IL1RAPL1: variants seen among roughly 807,000 people sequenced by gnomAD.
IL1RAPL1 encodes interleukin 1 receptor accessory protein like 1, also known as interleukin-1 receptor accessory protein-like 1.
A neutral mutation model predicts 48.4 loss-of-function variants in IL1RAPL1; 3 were observed. The observed-to-expected ratio is 0.06, with a 90% CI of 0.03 to 0.16. The LOEUF (loss-of-function observed/expected upper bound fraction) is 0.16. Ranked by LOEUF, IL1RAPL1 falls within the 10% of genes least tolerant of loss-of-function variation. The pLI, the probability that IL1RAPL1 is intolerant of heterozygous loss-of-function variation, is 1.00. For missense variants in IL1RAPL1, 349 were observed against 530.6 expected (o/e 0.66, Z 3.36); for synonymous variants, 185 against 187.7 (o/e 0.99, Z 0.12).
At chrX:28,694,469 T>C (rs2146926851) in intron 1 of IL1RAPL1, among the ~76,000 whole-genome samples, 1 of 111,931 alleles carries the variant, frequency 8.9e-6, no homozygotes, top group African/African-American at 3.2e-5. Flanking sequence ...ATTGAAGAAA[T>C]ATGAAGATTT....
intron 1 of IL1RAPL1, among the ~76,000 whole-genome samples, chrX:28,756,272 A>C (rs750798009): frequency 9.0e-6 from 1 of 110,900 alleles, no homozygotes; most frequent in Admixed American, 9.7e-5. Flanking sequence ...TGGCCCAACT[A>C]TGCCTTCCTT....
At chrX:29,075,830 G>GA (rs947652160) in intron 2 of IL1RAPL1, among the ~76,000 whole-genome samples, 5 of 111,469 alleles carry the variant, frequency 4.5e-5, no homozygotes, top group South Asian at 3.7e-4. Flanking sequence ...CTGATTCATA[G>GA]AAAAAAATCT....
intron 2 of IL1RAPL1, among the ~76,000 whole-genome samples, chrX:28,957,006 G>A (rs1369130071): frequency 1.8e-5 from 2 of 110,630 alleles, no homozygotes; most frequent in Non-Finnish European, 3.8e-5. Flanking sequence ...TGTATGTGTC[G>A]AGGAATGTAT....
intron 6 of IL1RAPL1, among the ~76,000 whole-genome samples, chrX:29,842,367 T>C (rs778270372): frequency 4.5e-5 from 5 of 112,033 alleles, no homozygotes; most frequent in African/African-American, 6.5e-5. Flanking sequence ...TGTCCAGATA[T>C]AGTTGGTGGA....
chrX:29,041,285 A>G (rs912234879), intron 2 of IL1RAPL1, among the ~76,000 whole-genome samples: 1 of 111,378 alleles, frequency 9.0e-6, no homozygotes, highest in African/African-American at 3.3e-5. Context: ...ATCTGCAGGC[A>G]GGGGGGTGGA....
intron 1 of IL1RAPL1, among the ~76,000 whole-genome samples, chrX:28,627,430 T>A (rs1934351958): frequency 8.9e-6 from 1 of 111,739 alleles, no homozygotes; most frequent in African/African-American, 3.3e-5. Context: ...CTCTCACTGC[T>A]TAGGAAGCAA....
At chrX:28,815,182 C>T (rs1486943049) in intron 2 of IL1RAPL1, among the ~76,000 whole-genome samples, 8 of 110,625 alleles carry the variant, frequency 7.2e-5, no homozygotes, top group Non-Finnish European at 5.7e-5. Flanking sequence ...TTTACCTCTG[C>T]CTGAAAAAAC....
intron 1 of IL1RAPL1, among the ~76,000 whole-genome samples, chrX:28,716,480 A>G (rs1479362164): frequency 1.8e-5 from 2 of 111,909 alleles, no homozygotes; most frequent in African/African-American, 6.5e-5. Flanking sequence ...CCATATGCAG[A>G]AGATTGAAAC....
intron 9 of IL1RAPL1, among the ~76,000 whole-genome samples, chrX:29,944,178 CA>C (rs1933178751): frequency 9.0e-6 from 1 of 111,610 alleles, no homozygotes; most frequent in African/African-American, 3.3e-5. Context: ...TGTTAATGTA[CA>C]AGTTATTCCC....
At chrX:29,690,383 G>A (rs1926741076) in intron 6 of IL1RAPL1, among the ~76,000 whole-genome samples, 1 of 111,695 alleles carries the variant, frequency 9.0e-6, no homozygotes, top group Non-Finnish European at 1.9e-5. Flanking sequence ...TGATGGGAAG[G>A]ATAACTTACT....
At chrX:29,566,900 A>C (rs1922425764) in intron 5 of IL1RAPL1, among the ~76,000 whole-genome samples, 1 of 112,033 alleles carries the variant, frequency 8.9e-6, no homozygotes, top group Non-Finnish European at 1.9e-5. Context: ...ATTCCTGAGC[A>C]GAGGAATTTA....
intron 5 of IL1RAPL1, among the ~76,000 whole-genome samples, chrX:29,401,274 G>A (rs1933989229): frequency 9.0e-6 from 1 of 111,435 alleles, no homozygotes; most frequent in Non-Finnish European, 1.9e-5. Flanking sequence ...CCTTACCTGA[G>A]ACAATGATTT....
chrX:29,560,813 G>A (rs930784016), intron 5 of IL1RAPL1, among the ~76,000 whole-genome samples: 1 of 111,614 alleles, frequency 9.0e-6, no homozygotes, highest in Admixed American at 9.5e-5. Context: ...TGAGCTTTTT[G>A]TAAAGAGTTA....
chrX:29,411,017 C>CT (rs1934137081), intron 5 of IL1RAPL1, among the ~76,000 whole-genome samples: 1 of 111,315 alleles, frequency 9.0e-6, no homozygotes, highest in Non-Finnish European at 1.9e-5. Flanking sequence ...ATTGACCAGT[C>CT]TCCAGGAAGG....
intron 2 of IL1RAPL1, among the ~76,000 whole-genome samples, chrX:28,903,214 G>A (rs770576789): frequency 6.3e-5 from 7 of 110,476 alleles, no homozygotes; most frequent in African/African-American, 2.3e-4. Context: ...CTGACTCCTG[G>A]GTTCAAGTGA....
intron 1 of IL1RAPL1, among the ~76,000 whole-genome samples, chrX:28,758,931 C>G (rs1239182081): frequency 2.7e-5 from 3 of 112,124 alleles, no homozygotes; most frequent in African/African-American, 9.7e-5. Flanking sequence ...CTTTCACACT[C>G]CATAAAATAG....
chrX:29,405,966 T>C (rs1934060775), intron 5 of IL1RAPL1, among the ~76,000 whole-genome samples: 1 of 112,044 alleles, frequency 8.9e-6, no homozygotes, highest in African/African-American at 3.3e-5. Flanking sequence ...TCTCTTTGCA[T>C]GTCAGTTGAT....
intron 6 of IL1RAPL1, among the ~76,000 whole-genome samples, chrX:29,770,650 GCAGGTTAGCTC>G (rs1266721850): frequency 1.8e-5 from 2 of 112,017 alleles, no homozygotes; most frequent in Non-Finnish European, 3.8e-5. Flanking sequence ...TCAAACCTAG[GCAGGTTAGCTC>G]CAGAATCTGT....
At chrX:28,816,103 G>A (rs1478700691) in intron 2 of IL1RAPL1, among the ~76,000 whole-genome samples, 1 of 106,419 alleles carries the variant, frequency 9.4e-6, no homozygotes, top group Non-Finnish European at 1.9e-5. Context: ...CGTAGTGGCT[G>A]TACTAATTTA....
Sources: gnomAD v4.1 joint callset for allele counts (sites outside exome capture counted in the v4.1 genomes callset) on GRCh38, gnomAD v4.1.1 for gene constraint, MANE v1.5 for transcripts, NCBI Gene and HGNC (gene_info 2026-07-23, HGNC 2026-07-21) for gene names.